Variants in ASAP1 observed in about 807,000 individuals in gnomAD.
ASAP1 encodes the protein ArfGAP with SH3 domain, ankyrin repeat and PH domain 1.
A neutral mutation model predicts 145.2 loss-of-function variants in ASAP1; 43 were observed. The observed-to-expected ratio is 0.30, with a 90% CI of 0.23 to 0.38. ASAP1 has a LOEUF of 0.38. ASAP1 is among the 10% of genes least tolerant of loss of function. ASAP1 has a pLI of 1.00. For missense variants in ASAP1, 1,018 were observed against 1,355.3 expected, an observed-to-expected ratio of 0.75 and a Z score of 3.91; for synonymous variants, 546 against 515.5, an observed-to-expected ratio of 1.06 and a Z score of -0.80.
At chr8:130,395,788 T>G (rs1828501779) in intron 2 of ASAP1, among the ~76,000 whole-genome samples, 1 of 150,570 alleles carries the variant, frequency 6.6e-6, no homozygotes, top group African/African-American at 2.4e-5. Context: ...TGCCTCAGCC[T>G]CCCGAGGGGC....
At chr8:130,308,325 T>C (rs112633823) in intron 3 of ASAP1, among the ~76,000 whole-genome samples, 1 of 152,330 alleles carries the variant, frequency 6.6e-6, no homozygotes, top group East Asian at 1.9e-4. Flanking sequence ...ATAAGAAACC[T>C]GAATACAGGC....
At chr8:130,072,825 G>GCGCA (rs1554816412) in intron 27 of ASAP1, among the ~76,000 whole-genome samples, 3 of 54,098 alleles carry the variant, frequency 5.5e-5, no homozygotes, top group African/African-American at 2.7e-4. Context: ...GTGTGTGTGT[G>GCGCA]CGCGCGGGGG....
intron 3 of ASAP1, among the ~76,000 whole-genome samples, chr8:130,353,159 T>C (rs72724457): frequency 8.9e-4 from 135 of 152,360 alleles, no homozygotes; most frequent in Non-Finnish European, 1.6e-3. Context: ...GTTTTAGCCT[T>C]ATTTCTTTAT....
At chr8:130,225,352 T>C (rs1199911558) in intron 4 of ASAP1, among the ~76,000 whole-genome samples, 2 of 152,228 alleles carry the variant, frequency 1.3e-5, no homozygotes, top group African/African-American at 2.4e-5. Flanking sequence ...TAATATTTAG[T>C]ATTTTTAAAA....
intron 1 of ASAP1, among the ~76,000 whole-genome samples, chr8:130,421,880 C>G (rs1829732491): frequency 1.3e-5 from 2 of 152,134 alleles, no homozygotes; most frequent in South Asian, 4.1e-4. Context: ...TTAATTCATC[C>G]AAAAAAGGCT....
At chr8:130,441,515 C>T (rs1337248554) in intron 1 of ASAP1, among the ~76,000 whole-genome samples, 1 of 152,238 alleles carries the variant, frequency 6.6e-6, no homozygotes, top group African/African-American at 2.4e-5. Flanking sequence ...ACGGCTGAGA[C>T]CTAGGTGGGG....
intron 3 of ASAP1, among the ~76,000 whole-genome samples, chr8:130,332,955 A>G (rs1416216226): frequency 6.6e-6 from 1 of 152,076 alleles, no homozygotes; most frequent in Non-Finnish European, 1.5e-5. Context: ...CTGACAACTT[A>G]TCTAAGGAAA....
chr8:130,224,510 G>A (rs1407720986), intron 4 of ASAP1, among the ~76,000 whole-genome samples: 1 of 151,932 alleles, frequency 6.6e-6, no homozygotes, highest in African/African-American at 2.4e-5. Context: ...AATCTGGAGT[G>A]TATCTCAGTG....
intron 3 of ASAP1, among the ~76,000 whole-genome samples, chr8:130,285,949 G>C (rs1821584393): frequency 6.6e-6 from 1 of 152,162 alleles, no homozygotes; most frequent in Admixed American, 6.5e-5. Flanking sequence ...TTTGCTACCT[G>C]TCTTAACTTA....
At chr8:130,196,844 C>T (rs1374011378) in intron 5 of ASAP1, among the ~76,000 whole-genome samples, 3 of 152,352 alleles carry the variant, frequency 2.0e-5, no homozygotes, top group South Asian at 4.1e-4. Context: ...ACTGGGTATT[C>T]TGTCTAGTAT....
intron 3 of ASAP1, among the ~76,000 whole-genome samples, chr8:130,260,287 C>G (rs1198674555): frequency 6.6e-6 from 1 of 152,084 alleles, no homozygotes; most frequent in Non-Finnish European, 1.5e-5. Flanking sequence ...ACTGTGCACT[C>G]TGATTGTTGG....
intron 2 of ASAP1, among the ~76,000 whole-genome samples, chr8:130,378,903 C>T (rs1275436174): frequency 6.6e-6 from 1 of 152,178 alleles, no homozygotes; most frequent in African/African-American, 2.4e-5. Context: ...CATGTTTTCT[C>T]ATCTGATCTC....
intron 27 of ASAP1, among the ~76,000 whole-genome samples, chr8:130,064,934 T>C (rs1325481835): frequency 4.7e-4 from 69 of 146,620 alleles, no homozygotes; most frequent in Non-Finnish European, 5.9e-4. Context: ...TGTGTGTGTG[T>C]AAGAATCACA....
intron 25 of ASAP1, 88 bp from the exon 26 acceptor site, chr8:130,080,059 G>T: frequency 1.6e-6 from 2 of 1,213,426 alleles, no homozygotes; most frequent in Non-Finnish European, 1.2e-6. Context: ...GACAGGCATT[G>T]CTCAGGTTCC....
chr8:130,301,323 G>A (rs1344681866), intron 3 of ASAP1, among the ~76,000 whole-genome samples: 1 of 152,098 alleles, frequency 6.6e-6, no homozygotes, highest in Non-Finnish European at 1.5e-5. Flanking sequence ...AAACAAAACA[G>A]TGTGTTCTGA....
In ASAP1 at chr8:130,193,762, G is replaced by A. The variant is rs576760117; in HGVS notation, c.406-5579C>T. On this transcript the variant is annotated intron_variant, in intron 5 of 29. Coordinates refer to ENST00000518721, the MANE Select transcript of ASAP1 (RefSeq NM_018482.4). Reference sequence around the variant, plus strand: ...TATAAAATAACAATTAAAGAATTATGAAACTCTGTGGTTAGTACTGAATGT... The same window carrying A: ...TATAAAATAACAATTAAAGAATTATAAAACTCTGTGGTTAGTACTGAATGT... Among the ~76,000 whole-genome samples the A allele has an allele frequency of 5.3e-5, 8 of 152,322 alleles. No individual in the cohort carries two copies. The East Asian group carries it at 1.3e-3, about 26-fold the overall frequency.
At chr8:130,301,397 T>C (rs75850563) in intron 3 of ASAP1, among the ~76,000 whole-genome samples, 2,657 of 152,322 alleles carry the variant, frequency 0.017, 39 homozygotes, top group East Asian at 0.064. Context: ...TGTTACCTAG[T>C]AGCATTTTAA....
intron 28 of ASAP1, among the ~76,000 whole-genome samples, chr8:130,058,850 G>A (rs1452929460): frequency 6.6e-6 from 1 of 152,182 alleles, no homozygotes; most frequent in Non-Finnish European, 1.5e-5. Flanking sequence ...AGTTCCAGCT[G>A]CTTTCCGAGC....
At chr8:130,108,809 CTTG>C (rs1288595961) in intron 24 of ASAP1, among the ~76,000 whole-genome samples, 1 of 82,270 alleles carries the variant, frequency 1.2e-5, no homozygotes, top group African/African-American at 5.1e-5. Context: ...GAGTTTCACT[CTTG>C]TTGCCCAGGC....
Sources: allele counts gnomAD v4.1 joint callset (sites outside exome capture counted in the v4.1 genomes callset), GRCh38; gene constraint gnomAD v4.1.1; transcripts MANE v1.5; gene names NCBI Gene and HGNC (gene_info 2026-07-23, HGNC 2026-07-21).